RNF213: variants seen among roughly 807,000 people sequenced by gnomAD.
RNF213 encodes E3 ubiquitin-protein ligase RNF213.
Under a neutral mutation model 514.4 loss-of-function variants are expected in RNF213, and 341 were observed. That is an observed-to-expected ratio of 0.66 (90% CI 0.61 to 0.73). The LOEUF (loss-of-function observed/expected upper bound fraction) is 0.73, where lower values mean the gene tolerates loss of function less well. RNF213 is among the 30% of genes least tolerant of loss of function. The pLI is 0.00. For synonymous variants in RNF213, 2,655 were observed against 2,658.2 expected, an observed-to-expected ratio of 1.00 and a Z score of 0.04; for missense variants, 5,767 against 6,615.6, an observed-to-expected ratio of 0.87 and a Z score of 4.45.
In RNF213 at chr17:80,363,290, C is replaced by T; in HGVS notation, c.11544C>T (p.Asn3848=). 1.2e-6 allele frequency: 2 copies of T among 1,613,964 alleles called. No homozygotes were observed. Among genetic ancestry groups the T allele is most frequent in the Non-Finnish European group, 1.7e-6 (2 of 1,180,038 alleles). The change falls in exon 40 of 68, where the codon AAC becomes AAT. Residue 3848 remains asparagine, a synonymous_variant. Coordinates refer to ENST00000582970, the MANE Select transcript of RNF213 (RefSeq NM_001256071.3). Reference sequence around the variant, plus strand: ...ACAGCCTGATGGAAGCCCGTTGGAACCATGAGCTGGCTGGATGTGAGATGG... The same window carrying T: ...ACAGCCTGATGGAAGCCCGTTGGAATCATGAGCTGGCTGGATGTGAGATGG... ...VLHSLMEARW[N]HELAGCEMTL...
In RNF213 at chr17:80,307,190, TTACCGGGACAAGTA is replaced by T; in HGVS notation, c.2491_2501+3del. 6.2e-7 allele frequency: 1 copy of T among 1,613,862 alleles called. No individual in the cohort carries two copies. Among genetic ancestry groups the T allele is most frequent in the Non-Finnish European group, 8.5e-7 (1 of 1,179,862 alleles). ...AAATGCTGTTGCGACTCCTGGACAC[TTACCGGGACAAGTA>T]AGTGGAAAGCACGATGCAGTCTCTC... is the stretch of plus-strand genomic sequence containing the variant. On this transcript the variant is annotated splice_donor_variant and splice_donor_region_variant and coding_sequence_variant and intron_variant, in exon 13 of 68. Coordinates refer to ENST00000582970, the MANE Select transcript of RNF213 (RefSeq NM_001256071.3). LOFTEE classifies it high-confidence loss of function.
Position 80,317,137 on chromosome 17 carries a change from C to G in RNF213, c.2812-51C>G. The G allele has an allele frequency of 6.4e-7, 1 of 1,560,792 alleles. No homozygotes were observed. Among genetic ancestry groups the G allele is most frequent in the African/African-American group, 1.3e-5 (1 of 74,326 alleles). On this transcript the variant is annotated intron_variant, in intron 15 of 67. Transcript: ENST00000582970. The surrounding 1 kb of genome is among the most constrained non-coding windows in gnomAD (Gnocchi z 4.1). Reference sequence around the variant, plus strand: ...GTCTTTCTCCTTTCATGGGAGTGTGCCGTGGCATTTAGTCGTGAGAGTGGG... The same window carrying G: ...GTCTTTCTCCTTTCATGGGAGTGTGGCGTGGCATTTAGTCGTGAGAGTGGG...
rs749697705 is a variant in RNF213 at position 80,363,176 on chromosome 17, C to G, written c.11430C>G (p.Ser3810=). The G allele has an allele frequency of 8.1e-6, 13 of 1,614,244 alleles. No homozygotes were observed. Among genetic ancestry groups the G allele is most frequent in the Non-Finnish European group, 1.1e-5 (13 of 1,180,048 alleles). ...CAGAAGCGCCCGAGGAAGAGGTTTC[C>G]TTACCGTGGGTGCACCTTGCCTACC... ...AASEAPEEEV[S]LPWVHLAYQR... is the part of the protein sequence containing the mutation. Residue 3810 remains serine, a synonymous_variant, in exon 40 of 68, where the codon TCC becomes TCG. Coordinates refer to ENST00000582970, the MANE Select transcript of RNF213 (RefSeq NM_001256071.3).
At position 80,371,908 on chromosome 17, in the gene RNF213, T is replaced by C. The variant is rs777962336; in HGVS notation, c.12460T>C (p.Leu4154=). The C allele has an allele frequency of 1.9e-6, 3 of 1,568,030 alleles. No homozygotes were observed. The highest frequency in any genetic ancestry group is 1.4e-5 in the African/African-American group (1 of 73,986). ...TGTAAAAGATTATATTCAGGAATAT[T>C]TGACCCTGTTAAAAAAGAAAGCATT... is the stretch of plus-strand genomic sequence containing the variant. The part of the protein sequence containing the change: ...HDVKDYIQEY[L]TLLKKKAFIT... Residue 4154 remains leucine, a synonymous_variant, in exon 47 of 68, where the codon TTG becomes CTG. Transcript: ENST00000582970.
rs2079803937 is a variant in RNF213, at chr17:80,377,411, A to G, written c.13511-351A>G. On this transcript the variant is annotated intron_variant, in intron 53 of 67. Transcript: ENST00000582970. This position sits in a 1 kb window ranked among gnomAD's most constrained non-coding sequence, Gnocchi z 4.1. Reference sequence around the variant, plus strand: ...AGTAAATATTTTAAAACTAGTTTTTAAAGTTGTTATAAAATATGCTCATGA... The same window carrying G: ...AGTAAATATTTTAAAACTAGTTTTTGAAGTTGTTATAAAATATGCTCATGA... Among the ~76,000 whole-genome samples the G allele has an allele frequency of 1.3e-5, 2 of 151,032 alleles. No homozygotes were observed. Among genetic ancestry groups the G allele is most frequent in the African/African-American group, 2.4e-5 (1 of 41,154 alleles).
chr17:80,389,722 C>A, intron 65 of RNF213, 106 bp from the exon 66 acceptor site: 1 of 943,504 alleles, frequency 1.1e-6, no homozygotes, highest in Non-Finnish European at 1.7e-6. Flanking sequence ...CAGGGCAGAA[C>A]GAAGAGAAGA....
intron 3 of RNF213, among the ~76,000 whole-genome samples, chr17:80,277,338 C>T (rs1401398164): frequency 6.6e-6 from 1 of 152,002 alleles, no homozygotes; most frequent in African/African-American, 2.4e-5. Context: ...GGCTTCTCAC[C>T]TGTAATCCCA....
chr17:80,314,012 A>G (rs866152636), intron 15 of RNF213, among the ~76,000 whole-genome samples: 3 of 49,210 alleles, frequency 6.1e-5, no homozygotes, highest in African/African-American at 1.2e-4. Flanking sequence ...TGGTGGAGGT[A>G]ATGGAGGTGA....
chr17:80,290,486 C>T (rs972498621), intron 6 of RNF213, 84 bp from the exon 7 acceptor site: 8 of 1,535,442 alleles, frequency 5.2e-6, no homozygotes, highest in Admixed American at 5.0e-5. Flanking sequence ...TGTGTGCGCA[C>T]GTGTGTGTGT....
chr17:80,336,672 G>C, intron 23 of RNF213: 1 of 403,492 alleles, frequency 2.5e-6, no homozygotes, highest in Non-Finnish European at 4.7e-6. Context: ...CTGAATGGTT[G>C]TAATTGTCAT....
intron 46 of RNF213, among the ~76,000 whole-genome samples, chr17:80,371,200 TAC>T (rs1217287587): frequency 6.6e-6 from 1 of 152,242 alleles, no homozygotes; most frequent in African/African-American, 2.4e-5. Flanking sequence ...AATGCACTGA[TAC>T]AGTTTCAGGC....
intron 59 of RNF213, among the ~76,000 whole-genome samples, chr17:80,384,549 G>C (rs369201841): frequency 7.2e-5 from 11 of 152,336 alleles, no homozygotes; most frequent in South Asian, 4.1e-4. Flanking sequence ...CTGTTGGTCA[G>C]TTGAGGAGTA....
rs1386353567 is a variant in RNF213 at position 80,383,814 on chromosome 17, T to C, written c.14208T>C (p.His4736=). 1 of 1,614,184 alleles carries C rather than the reference T, an allele frequency of 6.2e-7. No homozygotes were observed. The highest frequency in any genetic ancestry group is 2.2e-5 in the East Asian group (1 of 44,886). ...LPHLPRKSVV[H]CSKIWSCRKR... ...ACCTGCCCCGGAAAAGTGTGGTCCA[T>C]TGCTCTAAGATTTGGAGCTGCAGGA... The change falls in exon 59 of 68, where the codon CAT becomes CAC. Residue 4736 remains histidine, a synonymous_variant. Transcript: ENST00000582970.
At chr17:80,386,216 CCT>C (rs1393637430) in intron 61 of RNF213, 32 bp from the exon 62 acceptor site, 1 of 1,597,328 alleles carries the variant, frequency 6.3e-7, no homozygotes, top group African/African-American at 1.3e-5. Context: ...AGTTGGAACT[CCT>C]CTCTGCTTAA....
At chr17:80,392,954 G>A (rs77699519) in intron 67 of RNF213, among the ~76,000 whole-genome samples, 6 of 151,376 alleles carry the variant, frequency 4.0e-5, no homozygotes, top group Non-Finnish European at 2.9e-5. Flanking sequence ...GTAACATGAG[G>A]GGACTGATTG....
In RNF213 at chr17:80,374,450, T is replaced by C. The variant is rs1440375823; in HGVS notation, c.12943-8T>C. 1 of 1,614,010 alleles carries C rather than the reference T, an allele frequency of 6.2e-7. No homozygotes were observed. The highest frequency in any genetic ancestry group is 8.5e-7 in the Non-Finnish European group (1 of 1,180,002). ...ATTGTTCACCCCCAACTAACCTCTG[T>C]ATTCCAGGGGCTGCGGCAGGACCAC... On this transcript the variant is annotated splice_polypyrimidine_tract_variant and splice_region_variant and intron_variant, in intron 49 of 67. Coordinates refer to ENST00000582970, the MANE Select transcript of RNF213 (RefSeq NM_001256071.3).
chr17:80,310,101 C>G (rs961870112), intron 14 of RNF213, among the ~76,000 whole-genome samples: 3 of 151,944 alleles, frequency 2.0e-5, no homozygotes, highest in Non-Finnish European at 4.4e-5. Context: ...TTTCTGCCTC[C>G]GACTTTCCCC....
chr17:80,290,732 A>T lies in RNF213; in HGVS notation c.1271+4A>T. ...TCTGTGAGCTGCACTACACCAGGTGAGCGTGTCTGTAGGCTTGGGAGGAAT... is the reference window on the plus strand; with the variant it reads ...TCTGTGAGCTGCACTACACCAGGTGTGCGTGTCTGTAGGCTTGGGAGGAAT... On this transcript the variant is annotated splice_donor_region_variant and intron_variant, in intron 7 of 67. Transcript: ENST00000582970. The T allele has an allele frequency of 1.2e-6, 2 of 1,614,068 alleles. No individual in the cohort carries two copies. The highest frequency in any genetic ancestry group is 8.5e-7 in the Non-Finnish European group (1 of 1,179,998).
In RNF213 at chr17:80,295,004, G is replaced by A. The variant is rs1206864475; in HGVS notation, c.1755+1G>A. ...CGATTTGCAGTACAGGGAGAAAGAG[G>A]TATCAGGCTTGCCACCAGCTGCTCT... On this transcript the variant is annotated splice_donor_variant, in intron 9 of 67. Transcript: ENST00000582970. LOFTEE classifies it high-confidence loss of function. 5 of 1,614,088 alleles carry A rather than the reference G, an allele frequency of 3.1e-6. No individual in the cohort carries two copies. The highest frequency in any genetic ancestry group is 2.2e-5 in the East Asian group (1 of 44,890).
Sources: gnomAD v4.1 joint callset for allele counts (sites outside exome capture counted in the v4.1 genomes callset) on GRCh38, gnomAD v4.1.1 for gene constraint, Gnocchi (gnomAD v3.1) non-coding constraint, MANE v1.5 for transcripts, NCBI Gene and HGNC (gene_info 2026-07-23, HGNC 2026-07-21) for gene names.